The following FAT3 variants were observed in gnomAD, a reference collection of about 807,000 sequenced individuals.
FAT3 encodes the protein FAT atypical cadherin 3.
Under a neutral mutation model 310.2 loss-of-function variants are expected in FAT3, and 95 were observed. The observed-to-expected ratio is 0.31, with a 90% CI of 0.26 to 0.36. The LOEUF is 0.36. FAT3 is among the 10% of genes least tolerant of loss of function. FAT3 has a pLI of 1.00. For synonymous variants in FAT3, 2,314 were observed against 2,192.9 expected, an observed-to-expected ratio of 1.06 and a Z score of -1.54; for missense variants, 5,408 against 5,715.6, an observed-to-expected ratio of 0.95 and a Z score of 1.74.
At chr11:92,608,317 A>T (rs750194604) in intron 3 of FAT3, among the ~76,000 whole-genome samples, 6 of 152,174 alleles carry the variant, frequency 3.9e-5, no homozygotes, top group Non-Finnish European at 8.8e-5. Flanking sequence ...TGTTACGAGG[A>T]TATTGATACT....
At chr11:92,377,338 T>A (rs546901669) in intron 2 of FAT3, among the ~76,000 whole-genome samples, 2 of 152,336 alleles carry the variant, frequency 1.3e-5, no homozygotes, top group South Asian at 4.1e-4. Flanking sequence ...GTGGGATAAT[T>A]TCTTAAAAAT....
chr11:92,798,845 C>A lies in FAT3; in HGVS notation c.5832C>A (p.Asn1944Lys). 1 of 1,613,906 alleles carries A rather than the reference C, an allele frequency of 6.2e-7. No homozygotes were observed. The highest frequency in any genetic ancestry group is 8.5e-7 in the Non-Finnish European group (1 of 1,179,850). ...SNSGVLTIKN[N>K]NLSKDHYMLI... ...GTGGAGTACTTACCATAAAAAACAA[C>A]AACCTCTCCAAGGATCACTACATGC... Residue 1944 changes from asparagine (N) to lysine (K), a missense_variant, in exon 10 of 28, where the codon AAC becomes AAA. Around this residue, in one of 5 missense-constraint regions of FAT3, gnomAD observed 4,588 missense variants for 4,809.8 expected, o/e 0.95. Transcript: ENST00000525166.
intron 2 of FAT3, chr11:92,366,366 T>A: frequency 4.1e-6 from 1 of 246,812 alleles, no homozygotes; most frequent in South Asian, 5.2e-5. Flanking sequence ...GAGCCACTGA[T>A]CCCCATCTGC....
chr11:92,520,097 A>G (rs759565231), intron 2 of FAT3, among the ~76,000 whole-genome samples: 61 of 152,132 alleles, frequency 4.0e-4, no homozygotes, highest in Admixed American at 5.2e-4. Flanking sequence ...ATATTCACCA[A>G]TTGGTCAGTG....
At chr11:92,569,350 C>T (rs1955588400) in intron 3 of FAT3, among the ~76,000 whole-genome samples, 1 of 152,182 alleles carries the variant, frequency 6.6e-6, no homozygotes, top group Non-Finnish European at 1.5e-5. Context: ...TAAATGCTAG[C>T]TACTGTTGTT....
intron 2 of FAT3, among the ~76,000 whole-genome samples, chr11:92,424,622 T>C (rs985351253): frequency 6.6e-6 from 1 of 152,116 alleles, no homozygotes; most frequent in African/African-American, 2.4e-5. Flanking sequence ...AGCAGAAATT[T>C]AATTTTGGCC....
chr11:92,251,201 A>G (rs776271848), intron 1 of FAT3, among the ~76,000 whole-genome samples: 1 of 152,172 alleles, frequency 6.6e-6, no homozygotes, highest in Non-Finnish European at 1.5e-5. Context: ...TAGTCTGATC[A>G]GTTTCATTGC....
intron 2 of FAT3, among the ~76,000 whole-genome samples, chr11:92,459,908 G>A (rs896550341): frequency 2.0e-5 from 3 of 151,956 alleles, no homozygotes; most frequent in African/African-American, 7.3e-5. Flanking sequence ...CATTCCTGGA[G>A]CTCTTTCAAA....
In FAT3 at chr11:92,890,914, GCACAGAGCC is replaced by G; in HGVS notation, c.13577_13585del (p.Glu4526_Thr4528del). The G allele has an allele frequency of 6.2e-7, 1 of 1,614,000 alleles. No individual in the cohort carries two copies. Among genetic ancestry groups the G allele is most frequent in the Non-Finnish European group, 8.5e-7 (1 of 1,179,886 alleles). On this transcript the variant is annotated inframe_deletion, in exon 28 of 28. Coordinates refer to ENST00000525166, the MANE Select transcript of FAT3 (RefSeq NM_001367949.2). ...ACTTTTGCTGTGAGCATGAACCAGGGCACAGAGCCCACAGGCCCAGCAGACAGCGTGTCT... is the reference window on the plus strand; with the variant it reads ...ACTTTTGCTGTGAGCATGAACCAGGGCACAGGCCCAGCAGACAGCGTGTCT...
At position 92,703,764 on chromosome 11, in the gene FAT3, A is replaced by G. The variant is rs1379571337; in HGVS notation, c.3669+6319A>G. Among the ~76,000 whole-genome samples the G allele has an allele frequency of 2.0e-5, 3 of 152,356 alleles. No homozygotes were observed. The East Asian group carries it at 5.8e-4, about 29-fold the overall frequency. On this transcript the variant is annotated intron_variant, in intron 4 of 27. Coordinates refer to ENST00000525166, the MANE Select transcript of FAT3 (RefSeq NM_001367949.2). ...AGGCCTGGCATTGGGCCAAGTACTAAGGTTTTCTTCTTAGAATTAGTGTGG... is the reference window on the plus strand; with the variant it reads ...AGGCCTGGCATTGGGCCAAGTACTAGGGTTTTCTTCTTAGAATTAGTGTGG...
intron 3 of FAT3, among the ~76,000 whole-genome samples, chr11:92,619,023 T>A (rs980603037): frequency 6.6e-6 from 1 of 152,188 alleles, no homozygotes; most frequent in Non-Finnish European, 1.5e-5. Context: ...TCTTCTATTC[T>A]GATTTGTTTC....
chr11:92,803,373 G>A (rs977647432), intron 10 of FAT3, among the ~76,000 whole-genome samples: 2 of 152,150 alleles, frequency 1.3e-5, no homozygotes, highest in African/African-American at 4.8e-5. Context: ...ACACAACTTG[G>A]CTGTGCTGCC....
chr11:92,244,052 C>T (rs933404384), intron 1 of FAT3, among the ~76,000 whole-genome samples: 1 of 152,058 alleles, frequency 6.6e-6, no homozygotes, highest in Admixed American at 6.6e-5. Context: ...ACTCTTTCCT[C>T]AACTCCAGAG....
rs1388221001 is a variant in FAT3 at position 92,225,045 on chromosome 11, G to A, written c.-147G>A. Reference sequence around the variant, plus strand: ...CTGCTCGCGGCCTCAGTCCCGGCTAGCGCGCGGTGGGCGCTGCGGCGGCAG... The same window carrying A: ...CTGCTCGCGGCCTCAGTCCCGGCTAACGCGCGGTGGGCGCTGCGGCGGCAG... On this transcript the variant is annotated 5_prime_UTR_variant, in exon 1 of 28. Transcript: ENST00000525166. Among the ~76,000 whole-genome samples, 5 of 152,122 alleles carry A rather than the reference G, an allele frequency of 3.3e-5. No individual in the cohort carries two copies. Among genetic ancestry groups the A allele is most frequent in the Non-Finnish European group, 7.4e-5 (5 of 68,018 alleles).
At chr11:92,534,589 A>C (rs687952) in intron 3 of FAT3, among the ~76,000 whole-genome samples, 1 of 151,936 alleles carries the variant, frequency 6.6e-6, no homozygotes, top group East Asian at 1.9e-4. Context: ...GGTAAGGAAG[A>C]TCTTTGTAGA....
intron 1 of FAT3, among the ~76,000 whole-genome samples, chr11:92,255,402 A>G (rs771561002): frequency 3.3e-5 from 5 of 151,572 alleles, no homozygotes; most frequent in South Asian, 4.2e-4. Context: ...CAGATACAAC[A>G]TTTGTCTACC....
intron 1 of FAT3, among the ~76,000 whole-genome samples, chr11:92,345,749 C>T (rs1255437349): frequency 6.6e-6 from 1 of 152,178 alleles, no homozygotes; most frequent in Non-Finnish European, 1.5e-5. Context: ...GAGGCAAGAG[C>T]TGTCAGAGTC....
chr11:92,405,242 G>A (rs543381273), intron 2 of FAT3, among the ~76,000 whole-genome samples: 67 of 152,166 alleles, frequency 4.4e-4, no homozygotes, highest in South Asian at 3.7e-3. Flanking sequence ...GATCATGGAG[G>A]ATACTTTTCC....
At chr11:92,350,420 A>G (rs1030064830) in intron 1 of FAT3, among the ~76,000 whole-genome samples, 1 of 152,088 alleles carries the variant, frequency 6.6e-6, no homozygotes, top group Non-Finnish European at 1.5e-5. Context: ...GAGATAACCA[A>G]AAAGATATGC....
Sources: allele counts gnomAD v4.1 joint callset (sites outside exome capture counted in the v4.1 genomes callset), GRCh38; gene constraint gnomAD v4.1.1; regional missense constraint gnomAD v4.1.1; transcripts MANE v1.5; gene names NCBI Gene and HGNC (gene_info 2026-07-23, HGNC 2026-07-21).